The following SLC7A2 variants were observed in gnomAD, a reference collection of about 807,000 sequenced individuals.
SLC7A2 encodes the protein cationic amino acid transporter 2.
In SLC7A2, 48 loss-of-function variants were observed where a neutral mutation model predicts 58.9. The ratio of observed to expected loss-of-function variants is 0.82; its 90% confidence interval spans 0.65 to 1.04. SLC7A2 has a LOEUF of 1.04. Among genes scored for constraint, SLC7A2 ranks in the 50% least tolerant of loss-of-function variants. The pLI is 0.00. For missense variants in SLC7A2, 1,029 were observed against 818.8 expected, an observed-to-expected ratio of 1.26 and a Z score of -3.13; for synonymous variants, 363 against 314.5, an observed-to-expected ratio of 1.15 and a Z score of -1.63.
Position 17,550,367 on chromosome 8 carries a change from G to A in SLC7A2, c.765G>A (p.Thr255=), listed in dbSNP as rs577742765. 75 of 1,613,998 alleles carry A rather than the reference G, an allele frequency of 4.6e-5. No individual in the cohort carries two copies. In the East Asian group the frequency reaches 1.1e-3, roughly 23 times the overall value. The change falls in exon 6 of 13, where the codon ACG becomes ACA. Residue 255 remains threonine (T), a synonymous_variant. Coordinates refer to ENST00000494857, the MANE Select transcript of SLC7A2 (RefSeq NM_001370338.1). ...GAGGFMPYGF[T]GTLAGAATCF... is the part of the protein sequence containing the mutation. ...GTGGCTTTATGCCTTATGGCTTTACGGGAACGTTGGCTGGTGCTGCAACTT... is the reference window on the plus strand; with the variant it reads ...GTGGCTTTATGCCTTATGGCTTTACAGGAACGTTGGCTGGTGCTGCAACTT...
At chr8:17,535,299 C>T (rs1362587681) in intron 2 of SLC7A2, among the ~76,000 whole-genome samples, 1 of 152,098 alleles carries the variant, frequency 6.6e-6, no homozygotes, top group African/African-American at 2.4e-5. Flanking sequence ...ACCGCCCCCT[C>T]CCGCCCTCCT....
In SLC7A2 at chr8:17,560,528, T is replaced by A. The variant is rs199847682; in HGVS notation, c.1499T>A (p.Phe500Tyr). The A allele has an allele frequency of 6.2e-7, 1 of 1,613,004 alleles. No homozygotes were observed. The highest frequency in any genetic ancestry group is 1.3e-5 in the African/African-American group (1 of 74,984). ...SASLVSFLVG[F>Y]LAFLVLGLSV... ...TCTCTCGTGAGCTTTCTGGTAGGATTCCTAGGTAAGTCTTCTTCTCTGCTT... is the reference window on the plus strand; with the variant it reads ...TCTCTCGTGAGCTTTCTGGTAGGATACCTAGGTAAGTCTTCTTCTCTGCTT... The change falls in exon 10 of 13, where the codon TTC (phenylalanine) becomes TAC (tyrosine). Residue 500 changes from phenylalanine (F) to tyrosine (Y), a missense_variant. By Grantham distance (22) the Phe-to-Tyr change is conservative. Coordinates refer to ENST00000494857, the MANE Select transcript of SLC7A2 (RefSeq NM_001370338.1).
intron 10 of SLC7A2, among the ~76,000 whole-genome samples, chr8:17,561,275 C>G (rs944103081): frequency 6.6e-6 from 1 of 152,142 alleles, no homozygotes; most frequent in Non-Finnish European, 1.5e-5. Context: ...AATGGGCTTA[C>G]AGTTCCACGT....
chr8:17,533,329 C>G (rs1179200666), intron 2 of SLC7A2, among the ~76,000 whole-genome samples: 1 of 152,138 alleles, frequency 6.6e-6, no homozygotes, highest in Non-Finnish European at 1.5e-5. Context: ...CAAAAGTGAC[C>G]ATTTTGTTTC....
chr8:17,548,541 A>G lies in SLC7A2; in HGVS notation c.533-137A>G, dbSNP rs564443094. 6.4e-4 allele frequency: 408 copies of G among 632,616 alleles called. 3 individuals carry two copies. The South Asian group carries it at 9.6e-3, about 15-fold the overall frequency. 39.2% of individuals were successfully genotyped at this position (632,616 alleles called of 1,614,324 possible). A position where few individuals can be genotyped will look rare whatever the true frequency, so the allele number is the denominator to read the frequency against. Reference sequence around the variant, plus strand: ...TTAGGTAATTAACTAATGAGTAAGAACTAGCAGTAGAGGTAGATAGATGGA... The same window carrying G: ...TTAGGTAATTAACTAATGAGTAAGAGCTAGCAGTAGAGGTAGATAGATGGA... On this transcript the variant is annotated intron_variant, in intron 4 of 12. Coordinates refer to ENST00000494857, the MANE Select transcript of SLC7A2 (RefSeq NM_001370338.1).
chr8:17,568,982 TAAAAC>T lies in SLC7A2; in HGVS notation c.*3838_*3842del, dbSNP rs1279024996. 6.6e-6 allele frequency: 1 copy of T among 151,992 alleles called. No individual in the cohort carries two copies. Among genetic ancestry groups the T allele is most frequent in the Non-Finnish European group, 1.5e-5 (1 of 67,984 alleles). The allele number at this position is 151,992 out of a possible 1,614,324, so 9.4% of individuals were successfully genotyped here. A position where few individuals can be genotyped will look rare whatever the true frequency, so the allele number is the denominator to read the frequency against. Reference sequence around the variant, plus strand: ...GCCTCAAAAAAAATAAAAATAAAAATAAAACACTTTAATTAGAATCTATTTTTACC... The same window carrying T: ...GCCTCAAAAAAAATAAAAATAAAAATACTTTAATTAGAATCTATTTTTACC... On this transcript the variant is annotated 3_prime_UTR_variant, in exon 13 of 13. Coordinates refer to ENST00000494857, the MANE Select transcript of SLC7A2 (RefSeq NM_001370338.1).
intron 2 of SLC7A2, among the ~76,000 whole-genome samples, chr8:17,534,694 G>GAA (rs34390459): frequency 5.5e-5 from 7 of 128,330 alleles, no homozygotes; most frequent in East Asian, 2.3e-4. Context: ...GTTTCAAATG[G>GAA]AAAAAAAAAA....
At chr8:17,527,693 T>C (rs527453367) in intron 2 of SLC7A2, among the ~76,000 whole-genome samples, 1 of 152,270 alleles carries the variant, frequency 6.6e-6, no homozygotes, top group East Asian at 1.9e-4. Flanking sequence ...TCTGCCTCTG[T>C]CATCACATGG....
intron 8 of SLC7A2, among the ~76,000 whole-genome samples, chr8:17,557,612 C>T (rs1275858214): frequency 1.3e-5 from 2 of 152,182 alleles, no homozygotes; most frequent in African/African-American, 2.4e-5. Flanking sequence ...CAGTGGATCA[C>T]TTGAGGCCAG....
intron 2 of SLC7A2, among the ~76,000 whole-genome samples, chr8:17,507,282 A>G (rs978914754): frequency 7.2e-5 from 11 of 152,184 alleles, no homozygotes; most frequent in Admixed American, 7.2e-4. Context: ...GTACAATTAC[A>G]ACTTAACATT....
At chr8:17,564,913 C>A (rs1399685205) in intron 12 of SLC7A2, 37 bp from the exon 13 acceptor site, 11 of 1,492,388 alleles carry the variant, frequency 7.4e-6, no homozygotes, top group Non-Finnish European at 9.0e-6. Context: ...TTCTGACATA[C>A]CTGAAACATT....
intron 2 of SLC7A2, among the ~76,000 whole-genome samples, chr8:17,511,841 C>T (rs1183079378): frequency 6.6e-6 from 1 of 152,106 alleles, no homozygotes; most frequent in Non-Finnish European, 1.5e-5. Flanking sequence ...GGCTGGAACC[C>T]ATGCTAGGGC....
chr8:17,515,023 C>G (rs970740697), intron 2 of SLC7A2, among the ~76,000 whole-genome samples: 1 of 152,148 alleles, frequency 6.6e-6, no homozygotes, highest in Non-Finnish European at 1.5e-5. Flanking sequence ...GCAGTGCCTA[C>G]TATGCTGAAT....
At chr8:17,514,661 T>C (rs1436133203) in intron 2 of SLC7A2, among the ~76,000 whole-genome samples, 1 of 152,226 alleles carries the variant, frequency 6.6e-6, no homozygotes, top group East Asian at 1.9e-4. Flanking sequence ...TCCACAGTCA[T>C]TTCTTAGGCT....
In SLC7A2 at chr8:17,570,313, T is replaced by C. The variant is rs558710614; in HGVS notation, c.*5167T>C. On this transcript the variant is annotated 3_prime_UTR_variant, in exon 13 of 13. Transcript: ENST00000494857. ...TATTGCAGTACTTAATAAAAATTGT[T>C]GATAGGGCCCAAAACCCTACAGAAA... 6.5e-6 allele frequency: 1 copy of C among 152,692 alleles called. No homozygotes were observed. The highest frequency in any genetic ancestry group is 2.1e-4 in the South Asian group (1 of 4,828). The allele number at this position is 152,692 out of a possible 1,614,324, so 9.5% of individuals were successfully genotyped here. A position where few individuals can be genotyped will look rare whatever the true frequency, so the allele number is the denominator to read the frequency against.
At chr8:17,513,492 A>T (rs925503781) in intron 2 of SLC7A2, among the ~76,000 whole-genome samples, 1 of 152,242 alleles carries the variant, frequency 6.6e-6, no homozygotes, top group Non-Finnish European at 1.5e-5. Context: ...TGATTTTAAA[A>T]GATAGAAAAA....
intron 2 of SLC7A2, among the ~76,000 whole-genome samples, chr8:17,528,001 A>G (rs1425539839): frequency 6.6e-6 from 1 of 152,122 alleles, no homozygotes; most frequent in Non-Finnish European, 1.5e-5. Context: ...AGGGAGTGTC[A>G]GGGGTGATTG....
Position 17,506,800 on chromosome 8 carries a change from G to C in SLC7A2, c.-23+4498G>C, listed in dbSNP as rs535113765. On this transcript the variant is annotated intron_variant, in intron 2 of 12. Coordinates refer to ENST00000494857, the MANE Select transcript of SLC7A2 (RefSeq NM_001370338.1). ...AGACTCTTGCTTTGTTGCCTGTCTG[G>C]AGTGCAGTGGCGCAATCTCGGCTCA... 2.0e-5 allele frequency among the ~76,000 whole-genome samples: 3 copies of C among 151,610 alleles called. No homozygotes were observed. The East Asian group carries it at 5.8e-4, about 29-fold the overall frequency.
At chr8:17,546,349 G>A (rs1802172227) in intron 4 of SLC7A2, among the ~76,000 whole-genome samples, 1 of 152,150 alleles carries the variant, frequency 6.6e-6, no homozygotes, top group Non-Finnish European at 1.5e-5. Flanking sequence ...TTTTAACTTT[G>A]TTCTTAGAAT....
Sources: gnomAD v4.1 joint callset for allele counts (sites outside exome capture counted in the v4.1 genomes callset) on GRCh38, gnomAD v4.1.1 for gene constraint, MANE v1.5 for transcripts, NCBI Gene and HGNC (gene_info 2026-07-23, HGNC 2026-07-21) for gene names.